The following GRIA1 variants were observed in gnomAD, a reference collection of about 807,000 sequenced individuals.
The protein encoded by GRIA1 is glutamate ionotropic receptor AMPA type subunit 1.
A neutral mutation model predicts 99.2 loss-of-function variants in GRIA1; 31 were observed. That is an observed-to-expected ratio of 0.31 (90% CI 0.23 to 0.42). GRIA1 has a LOEUF of 0.42. Ranked by LOEUF, GRIA1 falls within the 10% of genes least tolerant of loss-of-function variation. The pLI, the probability that GRIA1 is intolerant of heterozygous loss-of-function variation, is 1.00. For synonymous variants in GRIA1, 438 were observed against 432.4 expected (o/e 1.01, Z -0.16); for missense variants, 782 against 1,157.5 (o/e 0.68, Z 4.71).
chr5:153,746,566 G>A (rs1762175556), intron 11 of GRIA1, among the ~76,000 whole-genome samples: 1 of 152,138 alleles, frequency 6.6e-6, no homozygotes, highest in Admixed American at 6.5e-5. Context: ...GACAATGCAG[G>A]CCCACACCTG....
chr5:153,799,504 A>C (rs1047678517), intron 14 of GRIA1, among the ~76,000 whole-genome samples: 2 of 152,210 alleles, frequency 1.3e-5, no homozygotes, highest in Non-Finnish European at 2.9e-5. Context: ...CTCCTCAGCT[A>C]TCTGGACTAA....
intron 11 of GRIA1, among the ~76,000 whole-genome samples, chr5:153,762,930 C>G (rs893007889): frequency 3.3e-5 from 5 of 152,206 alleles, no homozygotes; most frequent in African/African-American, 1.2e-4. Context: ...CTCATGCCAA[C>G]TCTTCAGTGA....
Position 153,632,878 on chromosome 5 carries a change from A to G in GRIA1, c.221-14050A>G, listed in dbSNP as rs147723929. On this transcript the variant is annotated intron_variant, in intron 2 of 15. Coordinates refer to ENST00000285900, the MANE Select transcript of GRIA1 (RefSeq NM_000827.4). ...AAGACAGAAAGTACATTAGAACCTT[A>G]GAGGAGGAAGAAATGAATTTTTTCT... Among the ~76,000 whole-genome samples, 19 of 152,356 alleles carry G rather than the reference A, an allele frequency of 1.2e-4. No individual in the cohort carries two copies. The South Asian group carries it at 1.7e-3, about 13-fold the overall frequency.
At chr5:153,776,717 A>T (rs1011446692) in intron 13 of GRIA1, among the ~76,000 whole-genome samples, 1 of 152,170 alleles carries the variant, frequency 6.6e-6, no homozygotes, top group Admixed American at 6.5e-5. Context: ...TTGCTTGTGT[A>T]TATTGGCATC....
intron 14 of GRIA1, among the ~76,000 whole-genome samples, chr5:153,800,744 C>A (rs1765957044): frequency 6.6e-6 from 1 of 152,236 alleles, no homozygotes. Context: ...GAATCCTGTA[C>A]AATGCACCAA....
chr5:153,582,913 G>C (rs528570334), intron 2 of GRIA1, among the ~76,000 whole-genome samples: 1 of 152,090 alleles, frequency 6.6e-6, no homozygotes, highest in East Asian at 1.9e-4. Context: ...TCATCCACCT[G>C]AGCCTCCCAA....
intron 15 of GRIA1, among the ~76,000 whole-genome samples, chr5:153,809,704 G>A (rs1277331549): frequency 6.6e-6 from 1 of 152,220 alleles, no homozygotes; most frequent in East Asian, 1.9e-4. Flanking sequence ...GATAGCTGAG[G>A]ATTGAGAAGA....
chr5:153,730,617 GA>G (rs1177349691), intron 11 of GRIA1, among the ~76,000 whole-genome samples: 1 of 152,032 alleles, frequency 6.6e-6, no homozygotes, highest in African/African-American at 2.4e-5. Flanking sequence ...ATGTTACACA[GA>G]AAATAAAGAA....
At chr5:153,669,839 T>A (rs1756018944) in intron 5 of GRIA1, among the ~76,000 whole-genome samples, 1 of 152,212 alleles carries the variant, frequency 6.6e-6, no homozygotes, top group Admixed American at 6.5e-5. Context: ...GACTTCCCAT[T>A]AGAAAGATGA....
intron 2 of GRIA1, among the ~76,000 whole-genome samples, chr5:153,642,467 C>T (rs1561719793): frequency 2.0e-5 from 3 of 152,066 alleles, no homozygotes; most frequent in Admixed American, 1.3e-4. Flanking sequence ...TGGCTCACAC[C>T]TGTAATCCCA....
chr5:153,776,649 T>C (rs1239838022), intron 13 of GRIA1, among the ~76,000 whole-genome samples: 1 of 152,176 alleles, frequency 6.6e-6, no homozygotes, highest in African/African-American at 2.4e-5. Context: ...GGCATTCCCA[T>C]TGAGTATATT....
At chr5:153,665,327 A>C (rs1755667684) in intron 5 of GRIA1, among the ~76,000 whole-genome samples, 1 of 152,238 alleles carries the variant, frequency 6.6e-6, no homozygotes, top group African/African-American at 2.4e-5. Flanking sequence ...GTTTGCAGAT[A>C]TCCAAGTGTG....
intron 13 of GRIA1, among the ~76,000 whole-genome samples, chr5:153,770,977 G>C (rs1356256072): frequency 6.6e-6 from 1 of 152,194 alleles, no homozygotes. Context: ...GCAAGATATA[G>C]ACAGTTTGGT....
intron 15 of GRIA1, among the ~76,000 whole-genome samples, chr5:153,808,553 G>T (rs539323942): frequency 6.6e-6 from 1 of 152,188 alleles, no homozygotes; most frequent in East Asian, 1.9e-4. Context: ...TTGCATTTTT[G>T]AATCACCTGG....
intron 15 of GRIA1, 31 bp from the exon 16 acceptor site, chr5:153,810,994 C>G (rs751213864): frequency 1.3e-6 from 2 of 1,564,302 alleles, no homozygotes; most frequent in Non-Finnish European, 1.8e-6. Flanking sequence ...TGCCAAGGAC[C>G]CGGGGAAGAA....
chr5:153,577,097 G>A (rs1190109368), intron 2 of GRIA1, among the ~76,000 whole-genome samples: 7 of 145,084 alleles, frequency 4.8e-5, no homozygotes, highest in African/African-American at 1.3e-4. Flanking sequence ...TGAATGGATG[G>A]ATGGATGGAT....
At position 153,650,394 on chromosome 5, in the gene GRIA1, C is replaced by A. The variant is rs757975438; in HGVS notation, c.525C>A (p.Val175=). The A allele has an allele frequency of 1.2e-6, 2 of 1,613,922 alleles. No homozygotes were observed. The highest frequency in any genetic ancestry group is 2.2e-5 in the East Asian group (1 of 44,854). ...AGAAGAACTGGCAGGTGACAGCAGT[C>A]AACATTTTGACAACCACAGAGGAGG... is the stretch of plus-strand genomic sequence containing the variant. ...AAEKNWQVTA[V]NILTTTEEGY... is the part of the protein sequence containing the mutation. The change falls in exon 4 of 16, where the codon GTC becomes GTA. Residue 175 remains valine (V), a synonymous_variant. Transcript: ENST00000285900.
At chr5:153,558,269 ACTC>A (rs1561640682) in intron 2 of GRIA1, among the ~76,000 whole-genome samples, 1 of 152,086 alleles carries the variant, frequency 6.6e-6, no homozygotes, top group African/African-American at 2.4e-5. Flanking sequence ...AGTAAAATTC[ACTC>A]CTTTTATACA....
At chr5:153,513,077 A>G (rs746191521) in intron 2 of GRIA1, among the ~76,000 whole-genome samples, 1 of 152,212 alleles carries the variant, frequency 6.6e-6, no homozygotes, top group Non-Finnish European at 1.5e-5. Flanking sequence ...CAGAACTGTG[A>G]AAAAAGAAAT....
Sources: allele counts gnomAD v4.1 joint callset (sites outside exome capture counted in the v4.1 genomes callset), GRCh38; gene constraint gnomAD v4.1.1; transcripts MANE v1.5; gene names NCBI Gene and HGNC (gene_info 2026-07-23, HGNC 2026-07-21).